The following ZFHX3 variants were observed in gnomAD, a reference collection of about 807,000 sequenced individuals.
ZFHX3 encodes the protein zinc finger homeobox 3, also known as zinc finger homeobox protein 3.
In ZFHX3, 42 loss-of-function variants were observed where a neutral mutation model predicts 279.1. The ratio of observed to expected loss-of-function variants is 0.15; its 90% CI spans 0.12 to 0.19. The LOEUF is 0.19. ZFHX3 is among the 10% of genes least tolerant of loss of function. ZFHX3 has a pLI of 1.00. For missense variants in ZFHX3, 4,981 were observed against 4,754.0 expected (o/e 1.05, Z -1.40); for synonymous variants, 2,293 against 1,957.8 (o/e 1.17, Z -4.52).
intron 7 of ZFHX3, among the ~76,000 whole-genome samples, chr16:72,801,902 AAG>A (rs918132447): frequency 5.9e-5 from 9 of 151,726 alleles, no homozygotes; most frequent in African/African-American, 1.7e-4. Flanking sequence ...GGTTGGGGGT[AAG>A]AGGGGGAGAA....
chr16:73,072,290 C>G (rs1475758559), intron 8 of ZFHX3, among the ~76,000 whole-genome samples: 2 of 151,956 alleles, frequency 1.3e-5, no homozygotes, highest in African/African-American at 4.8e-5. Flanking sequence ...ACTAAAAATG[C>G]AAAATTTAGC....
intron 1 of ZFHX3, among the ~76,000 whole-genome samples, chr16:73,748,410 T>C (rs1432659244): frequency 6.6e-6 from 1 of 152,228 alleles, no homozygotes; most frequent in Non-Finnish European, 1.5e-5. Flanking sequence ...CACAATATCA[T>C]GTAAATAAAT....
chr16:72,826,842 A>G (rs2036945576), intron 5 of ZFHX3, among the ~76,000 whole-genome samples: 1 of 152,212 alleles, frequency 6.6e-6, no homozygotes, highest in African/African-American at 2.4e-5. Context: ...AACCTTATTA[A>G]GGACATTCAT....
chr16:72,986,439 C>G (rs1248857765), intron 1 of ZFHX3, among the ~76,000 whole-genome samples: 2 of 152,222 alleles, frequency 1.3e-5, no homozygotes, highest in African/African-American at 4.8e-5. Context: ...ATGAAGCTAA[C>G]TGAACATGGT....
At chr16:73,756,765 C>G (rs1398097164) in intron 1 of ZFHX3, among the ~76,000 whole-genome samples, 3 of 151,200 alleles carry the variant, frequency 2.0e-5, no homozygotes, top group East Asian at 1.9e-4. Context: ...CCTTCTCCCC[C>G]CAGGGCATTT....
chr16:73,238,213 C>A (rs2013012530), intron 5 of ZFHX3, among the ~76,000 whole-genome samples: 1 of 152,140 alleles, frequency 6.6e-6, no homozygotes, highest in Non-Finnish European at 1.5e-5. Flanking sequence ...TCTGTGGCCA[C>A]CTTCTATTCT....
intron 1 of ZFHX3, among the ~76,000 whole-genome samples, chr16:73,033,738 C>A (rs1411356146): frequency 6.6e-6 from 1 of 152,172 alleles, no homozygotes; most frequent in Admixed American, 6.5e-5. Context: ...TCCACACCCG[C>A]TTCTCAGCTT....
intron 3 of ZFHX3, chr16:73,402,010 T>A (rs2017265468): frequency 2.6e-5 from 4 of 152,220 alleles, no homozygotes; most frequent in Admixed American, 2.6e-4. Context: ...TCACCCTCTA[T>A]ATGGAAATGT....
At position 72,878,063 on chromosome 16, in the gene ZFHX3, G is replaced by T. The variant is rs566095128; in HGVS notation, c.3448+11668C>A. ...AAACTAGCCAGGTGTGGTGGTGCAT[G>T]CCTGTGCTACTTGGAAGACTGAGGC... On this transcript the variant is annotated intron_variant, in intron 4 of 9. Coordinates refer to ENST00000268489, the MANE Select transcript of ZFHX3 (RefSeq NM_006885.4). 5.3e-5 allele frequency among the ~76,000 whole-genome samples: 8 copies of T among 152,088 alleles called. No individual in the cohort carries two copies. In the East Asian group the frequency reaches 1.4e-3, roughly 26 times the overall value.
chr16:73,181,966 G>T (rs575070413), intron 5 of ZFHX3, among the ~76,000 whole-genome samples: 1 of 152,292 alleles, frequency 6.6e-6, no homozygotes, highest in Admixed American at 6.5e-5. Context: ...CAAGCCAGCA[G>T]TCCTTCGGGT....
At chr16:72,876,181 T>G (rs987502241) in intron 4 of ZFHX3, among the ~76,000 whole-genome samples, 1 of 152,202 alleles carries the variant, frequency 6.6e-6, no homozygotes. Context: ...GTTTTCAAAA[T>G]AACCGGGTTC....
Position 72,794,256 on chromosome 16 carries a change from C to T in ZFHX3, c.8426G>A (p.Gly2809Glu), listed in dbSNP as rs756200766. The stretch of plus-strand genomic sequence containing the variant: ...GGAGGGGCTTTCAAAGTCTTCAATC[C>T]CTTCCACCTTAATGGAGGAAGGGCT... ...LLSPSSIKVE[G>E]IEDFESPSMS... Residue 2809 changes from glycine (G) to glutamate (E), a missense_variant, in exon 9 of 10, where the codon GGG (glycine) becomes GAG (glutamate). Around this residue, in one of 7 missense-constraint regions of ZFHX3, gnomAD observed 744 missense variants for 701.3 expected, o/e 1.06. Transcript: ENST00000268489. This position sits in a 1 kb window ranked among gnomAD's most constrained non-coding sequence, Gnocchi z 4.2. 1.9e-6 allele frequency: 3 copies of T among 1,614,118 alleles called. No homozygotes were observed. The highest frequency in any genetic ancestry group is 8.5e-7 in the Non-Finnish European group (1 of 1,180,020).
chr16:73,597,502 G>C (rs965261728), intron 2 of ZFHX3, among the ~76,000 whole-genome samples: 5 of 152,180 alleles, frequency 3.3e-5, no homozygotes, highest in African/African-American at 7.2e-5. Context: ...GGACTTTGAA[G>C]ACGTAATTAG....
At position 73,409,552 on chromosome 16, in the gene ZFHX3, G is replaced by C. The variant is rs553117534; in HGVS notation, c.-1291+46451C>G. 2.2e-4 allele frequency among the ~76,000 whole-genome samples: 34 copies of C among 152,312 alleles called. No individual in the cohort carries two copies. The South Asian group carries it at 7.0e-3, about 32-fold the overall frequency. On this transcript the variant is annotated intron_variant, in intron 3 of 17. Coordinates refer to the ZFHX3 transcript ENST00000641206. The stretch of plus-strand genomic sequence containing the variant: ...ATTAGTACAACCACTATGGAGAACA[G>C]TTTGGAGGTTCTTCAAAACGCGAAA...
chr16:73,064,234 A>G (rs1046309900), upstream of ZFHX3, among the ~76,000 whole-genome samples: 1 of 152,046 alleles, frequency 6.6e-6, no homozygotes, highest in East Asian at 1.9e-4. Context: ...CGGGAAGTAC[A>G]CGGACAGGGA....
At chr16:73,001,493 T>C (rs912630208) in intron 1 of ZFHX3, among the ~76,000 whole-genome samples, 2 of 152,070 alleles carry the variant, frequency 1.3e-5, no homozygotes, top group African/African-American at 4.8e-5. Context: ...TAGATAACAA[T>C]ACACATCTCC....
At chr16:73,612,367 T>G (rs980424943) in intron 2 of ZFHX3, among the ~76,000 whole-genome samples, 8 of 152,218 alleles carry the variant, frequency 5.3e-5, no homozygotes, top group African/African-American at 1.9e-4. Flanking sequence ...AAAGGGTTTA[T>G]AATGCAAACG....
chr16:72,853,767 AT>A (rs941526956), intron 4 of ZFHX3, among the ~76,000 whole-genome samples: 67 of 150,570 alleles, frequency 4.4e-4, no homozygotes, highest in Middle Eastern at 3.4e-3. Flanking sequence ...TGGTCACAGA[AT>A]TTTTTTTTTA....
Position 72,787,678 on chromosome 16 carries a change from G to T in ZFHX3, c.10598C>A (p.Ala3533Glu). ...GGGGGSYHCL[A>E]CESALCGEEA... ...CTCCCCACAGAGCGCGCTCTCGCAC[G>T]CCAGGCAGTGGTACGAGCCGCCGCC... is the stretch of plus-strand genomic sequence containing the variant. The change falls in exon 10 of 10, where the codon GCG becomes GAG. Residue 3533 changes from alanine to glutamate, a missense_variant. Physicochemically the swap from Ala to Glu is moderately radical, Grantham distance 107. Coordinates refer to ENST00000268489, the MANE Select transcript of ZFHX3 (RefSeq NM_006885.4). 3.9e-6 allele frequency: 6 copies of T among 1,539,668 alleles called. No individual in the cohort carries two copies. The highest frequency in any genetic ancestry group is 5.3e-6 in the Non-Finnish European group (6 of 1,142,494).
Sources: gnomAD v4.1 joint callset for allele counts (sites outside exome capture counted in the v4.1 genomes callset) on GRCh38, gnomAD v4.1.1 for gene constraint, gnomAD v4.1.1 regional missense constraint, Gnocchi (gnomAD v3.1) non-coding constraint, MANE v1.5 for transcripts, NCBI Gene and HGNC (gene_info 2026-07-23, HGNC 2026-07-21) for gene names.